The following ABCA6 variants were observed in gnomAD, a reference collection of about 807,000 sequenced individuals.
ABCA6 encodes ATP binding cassette subfamily A member 6, also known as ATP-binding cassette sub-family A member 6.
ABCA6 carries 164 observed loss-of-function variants against 191.2 expected under a neutral mutation model. The observed-to-expected ratio is 0.86, with a 90% CI of 0.76 to 0.98. The LOEUF is 0.98. ABCA6 is among the 50% of genes least tolerant of loss of function. The probability of loss-of-function intolerance (pLI) is 0.00; values close to 1 mark genes in which losing one functional copy is unlikely to be tolerated. For missense variants in ABCA6, 1,958 were observed against 1,894.1 expected, an observed-to-expected ratio of 1.03 and a Z score of -0.63; for synonymous variants, 636 against 647.7, an observed-to-expected ratio of 0.98 and a Z score of 0.27.
In ABCA6 at chr17:69,112,224, A is replaced by G. The variant is rs1170090043; in HGVS notation, c.2091T>C (p.Ser697=). Residue 697 remains serine (S), a synonymous_variant, in exon 16 of 39, where the codon TCT becomes TCC. Transcript: ENST00000284425. ...SNGRLKCAGS[S]MFLKRRWGLG... ...GACCCCACCTTCTTTTCAAAAACAT[A>G]GAAGAACCTGCACACTTCAGTCTCC... 2 of 1,612,742 alleles carry G rather than the reference A, an allele frequency of 1.2e-6. No homozygotes were observed. Among genetic ancestry groups the G allele is most frequent in the Middle Eastern group, 1.7e-4 (1 of 6,050 alleles).
chr17:69,089,691 A>T (rs1034381582), intron 26 of ABCA6, 149 bp from the exon 27 acceptor site: 3 of 617,118 alleles, frequency 4.9e-6, no homozygotes, highest in African/African-American at 3.7e-5. Context: ...AATTCCCCAC[A>T]GAAAAGAGAA....
At chr17:69,095,679 A>C (rs530202066) in intron 25 of ABCA6, among the ~76,000 whole-genome samples, 1 of 152,310 alleles carries the variant, frequency 6.6e-6, no homozygotes, top group African/African-American at 2.4e-5. Context: ...GCTGTTTTCC[A>C]GACAGACATT....
intron 28 of ABCA6, among the ~76,000 whole-genome samples, chr17:69,087,940 C>T (rs992248276): frequency 6.6e-6 from 1 of 152,124 alleles, no homozygotes. Context: ...ATATTTGGGT[C>T]CTTATTAAAT....
intron 15 of ABCA6, chr17:69,112,871 T>C (rs537865051): frequency 6.6e-6 from 1 of 152,070 alleles, no homozygotes; most frequent in African/African-American, 2.8e-5. Flanking sequence ...TCCAATACTT[T>C]CTGAAAAAAA....
At chr17:69,115,284 G>T in intron 12 of ABCA6, 92 bp downstream of exon 12, 1 of 864,332 alleles carries the variant, frequency 1.2e-6, no homozygotes, top group Non-Finnish European at 1.7e-6. Flanking sequence ...TTTCTCTTAA[G>T]CCATCAAATT....
chr17:69,089,576 TG>T, intron 26 of ABCA6, 34 bp from the exon 27 acceptor site: 1 of 1,481,436 alleles, frequency 6.8e-7, no homozygotes, highest in East Asian at 2.3e-5. Flanking sequence ...CACACACTAA[TG>T]ATAATTCATC....
At chr17:69,136,939 G>GT (rs1411810736) in intron 3 of ABCA6, among the ~76,000 whole-genome samples, 1 of 151,966 alleles carries the variant, frequency 6.6e-6, no homozygotes, top group East Asian at 1.9e-4. Flanking sequence ...TTATTTAGAT[G>GT]TTTTTTTCCT....
chr17:69,082,912 TCA>T lies in ABCA6; in HGVS notation c.4575_4576del (p.Glu1526AspfsTer21). 6.2e-7 allele frequency: 1 copy of T among 1,614,190 alleles called. No individual in the cohort carries two copies. The highest frequency in any genetic ancestry group is 8.5e-7 in the Non-Finnish European group (1 of 1,180,020). On this transcript the variant is annotated frameshift_variant, in exon 36 of 39. Coordinates refer to ENST00000284425, the MANE Select transcript of ABCA6 (RefSeq NM_080284.3). LOFTEE classifies it high-confidence loss of function. ...AGCCTGTGGGAAAAGCTTCAGAATC[TCA>T]GTGTGGACCAAAGTCACTTGAGACG... is the stretch of plus-strand genomic sequence containing the variant.
chr17:69,106,138 A>G lies in ABCA6; in HGVS notation c.2463T>C (p.Ser821=). ...NEMELAHSSF[S]EMQTAVSDMG... ...TGTCACTCACAGCTGTCTGCATTTCAGAGAAGGAAGAGTGAGCCAGCTCCA... is the reference window on the plus strand; with the variant it reads ...TGTCACTCACAGCTGTCTGCATTTCGGAGAAGGAAGAGTGAGCCAGCTCCA... The change falls in exon 19 of 39, where the codon TCT becomes TCC. Residue 821 remains serine, a synonymous_variant. Coordinates refer to ENST00000284425, the MANE Select transcript of ABCA6 (RefSeq NM_080284.3). The G allele has an allele frequency of 6.2e-7, 1 of 1,613,968 alleles. No individual in the cohort carries two copies. The highest frequency in any genetic ancestry group is 8.5e-7 in the Non-Finnish European group (1 of 1,179,892).
At chr17:69,093,644 C>T (rs1019845853) in intron 25 of ABCA6, among the ~76,000 whole-genome samples, 4 of 152,130 alleles carry the variant, frequency 2.6e-5, no homozygotes, top group South Asian at 2.1e-4. Flanking sequence ...TCTGCTGAGC[C>T]GATATACACC....
intron 34 of ABCA6, among the ~76,000 whole-genome samples, 177 bp from the exon 35 acceptor site, chr17:69,083,508 A>G (rs2144607289): frequency 6.6e-6 from 1 of 152,376 alleles, no homozygotes; most frequent in South Asian, 2.1e-4. Context: ...AGATGTGCTA[A>G]TCATATTGTA....
chr17:69,115,689 T>C lies in ABCA6; in HGVS notation c.1496-203A>G, dbSNP rs1568023011. On this transcript the variant is annotated intron_variant, in intron 11 of 38. Transcript: ENST00000284425. ...GAACTATAATAATTAAAATAATATG[T>C]TACTGGTGCAGGATATAGTGACCAA... 1.0e-5 allele frequency: 4 copies of C among 397,190 alleles called. No individual in the cohort carries two copies. The South Asian group carries it at 2.0e-4, about 20-fold the overall frequency. 24.6% of individuals were successfully genotyped at this position (397,190 alleles called of 1,614,324 possible). A position where few individuals can be genotyped will look rare whatever the true frequency, so the allele number is the denominator to read the frequency against.
intron 37 of ABCA6, 103 bp downstream of exon 37, chr17:69,080,963 C>T (rs2072616210): frequency 9.0e-6 from 6 of 665,616 alleles, no homozygotes; most frequent in Non-Finnish European, 1.5e-5. Context: ...TCATGCCCTA[C>T]AGCCCTATTT....
At chr17:69,127,630 G>C (rs1436620234) in intron 8 of ABCA6, among the ~76,000 whole-genome samples, 1 of 152,112 alleles carries the variant, frequency 6.6e-6, no homozygotes, top group African/African-American at 2.4e-5. Context: ...CTAAATCCTG[G>C]TGAAGTGTTA....
rs763523040 is a variant in ABCA6, at chr17:69,096,722, C to G, written c.3200G>C (p.Ser1067Thr). Residue 1067 changes from serine to threonine, a missense_variant, in exon 24 of 39, where the codon AGC (serine) becomes ACC (threonine). Physicochemically the swap from Ser to Thr is moderately conservative, Grantham distance 58 (BLOSUM62 1). Transcript: ENST00000284425. The stretch of plus-strand genomic sequence containing the variant: ...TAAAAGGAGAATTAAAATGAAGAAG[C>G]TGACGTCCACTAGTGCCTGCCCACA... Reference protein sequence around the residue: ...YWCGQALVDVSFFILILLLMY... With the variant: ...YWCGQALVDVTFFILILLLMY... 1.9e-6 allele frequency: 3 copies of G among 1,590,296 alleles called. No homozygotes were observed. Among genetic ancestry groups the G allele is most frequent in the African/African-American group, 1.4e-5 (1 of 73,464 alleles).
chr17:69,083,059 T>C (rs2072681331), intron 35 of ABCA6, 46 bp from the exon 36 acceptor site: 1 of 1,600,766 alleles, frequency 6.2e-7, no homozygotes. Context: ...TTGCCCTTAA[T>C]TTTTTAATGT....
chr17:69,097,203 T>A (rs1323358316), intron 23 of ABCA6, among the ~76,000 whole-genome samples: 3 of 152,114 alleles, frequency 2.0e-5, no homozygotes, highest in African/African-American at 7.2e-5. Flanking sequence ...CCATCCTGGC[T>A]AACATGGTGA....
chr17:69,131,250 C>G (rs372497033), intron 6 of ABCA6, among the ~76,000 whole-genome samples: 1 of 152,192 alleles, frequency 6.6e-6, no homozygotes, highest in Non-Finnish European at 1.5e-5. Context: ...GTATTAAAAC[C>G]AGGACTTTGC....
chr17:69,086,798 C>T (rs2072805729), intron 29 of ABCA6, 63 bp from the exon 30 acceptor site: 5 of 1,069,190 alleles, frequency 4.7e-6, no homozygotes, highest in Middle Eastern at 2.1e-4. Context: ...TCTGCTGGAA[C>T]CTTTCATGCC....
Sources: gnomAD v4.1 joint callset for allele counts (sites outside exome capture counted in the v4.1 genomes callset) on GRCh38, gnomAD v4.1.1 for gene constraint, MANE v1.5 for transcripts, NCBI Gene and HGNC (gene_info 2026-07-23, HGNC 2026-07-21) for gene names.